The following PPARGC1A variants were observed in gnomAD, a reference collection of about 807,000 sequenced individuals.
The protein encoded by PPARGC1A is PPARG coactivator 1 alpha, also known as peroxisome proliferator-activated receptor gamma coactivator 1-alpha.
PPARGC1A carries 25 observed loss-of-function variants against 88.7 expected under a neutral mutation model. That is an observed-to-expected ratio of 0.28 (90% confidence interval 0.21 to 0.39). The LOEUF (loss-of-function observed/expected upper bound fraction) is 0.39. PPARGC1A is among the 10% of genes least tolerant of loss of function. The pLI is 1.00. For synonymous variants in PPARGC1A, 363 were observed against 355.6 expected, an observed-to-expected ratio of 1.02 and a Z score of -0.24; for missense variants, 880 against 968.7, an observed-to-expected ratio of 0.91 and a Z score of 1.22.
chr4:24,253,708 G>T, the PPARGC1A span, among the ~76,000 whole-genome samples: 2 of 150,086 alleles, frequency 1.3e-5, no homozygotes, highest in Non-Finnish European at 3.0e-5. Flanking sequence ...GCCTCTTTAC[G>T]TTTGTCACCA....
intron 2 of PPARGC1A, chr4:23,882,083 A>G (rs908150134): frequency 6.6e-6 from 1 of 152,262 alleles, no homozygotes; most frequent in Non-Finnish European, 1.5e-5. Flanking sequence ...TCCTCATGCC[A>G]TGCAAATACT....
the PPARGC1A span, among the ~76,000 whole-genome samples, chr4:24,246,053 T>C: frequency 6.6e-6 from 1 of 152,168 alleles, no homozygotes; most frequent in Admixed American, 6.5e-5. Flanking sequence ...GCAACGATTT[T>C]AAATAATGCT....
intron 5 of PPARGC1A, chr4:23,825,336 C>T (rs985558455): frequency 6.6e-6 from 1 of 152,030 alleles, no homozygotes; most frequent in Non-Finnish European, 1.5e-5. Flanking sequence ...CTATGCTTAT[C>T]TATAAGCATA....
the PPARGC1A span, among the ~76,000 whole-genome samples, chr4:24,269,601 G>C: frequency 1.3e-5 from 2 of 152,124 alleles, no homozygotes; most frequent in African/African-American, 2.4e-5. Flanking sequence ...TATAATAAAA[G>C]TATATTACTT....
At chr4:24,020,445 A>G in the PPARGC1A span, among the ~76,000 whole-genome samples, 4 of 152,234 alleles carry the variant, frequency 2.6e-5, no homozygotes, top group East Asian at 7.7e-4. Context: ...TTTAGGTTTT[A>G]TAAGTATAAC....
chr4:23,881,619 C>T (rs1715952926), intron 2 of PPARGC1A, among the ~76,000 whole-genome samples: 1 of 152,196 alleles, frequency 6.6e-6, no homozygotes, highest in Non-Finnish European at 1.5e-5. Context: ...GATGAGAATT[C>T]AGTCGATGGC....
the PPARGC1A span, among the ~76,000 whole-genome samples, chr4:24,237,584 A>G: frequency 6.6e-6 from 1 of 152,134 alleles, no homozygotes; most frequent in Non-Finnish European, 1.5e-5. Flanking sequence ...CAATTTAGCT[A>G]CTTGTCATAT....
chr4:24,297,283 G>A, the PPARGC1A span, among the ~76,000 whole-genome samples: 2 of 152,130 alleles, frequency 1.3e-5, no homozygotes, highest in South Asian at 2.1e-4. Context: ...GAGTTACTAC[G>A]TAGTAGCGCT....
chr4:24,444,160 TAGGTGG>T, the PPARGC1A span, among the ~76,000 whole-genome samples: 6 of 152,060 alleles, frequency 3.9e-5, no homozygotes, highest in East Asian at 9.7e-4. Flanking sequence ...GCCTCCCAAG[TAGGTGG>T]GACTACACAG....
chr4:24,167,408 G>C, the PPARGC1A span, among the ~76,000 whole-genome samples: 9 of 152,310 alleles, frequency 5.9e-5, no homozygotes, highest in South Asian at 1.9e-3. Flanking sequence ...TGACTACAAA[G>C]GATTTAGAAT....
chr4:23,998,293 CAT>C, the PPARGC1A span, among the ~76,000 whole-genome samples: 5 of 152,268 alleles, frequency 3.3e-5, no homozygotes, highest in East Asian at 5.8e-4. Context: ...ATAAAATACA[CAT>C]ATGTGTCTTT....
chr4:24,168,003 C>T, the PPARGC1A span, among the ~76,000 whole-genome samples: 1 of 152,148 alleles, frequency 6.6e-6, no homozygotes, highest in African/African-American at 2.4e-5. Flanking sequence ...AGTCTGCCTG[C>T]CTTGGCCTCC....
At chr4:23,851,013 ATG>A (rs1330498363) in intron 2 of PPARGC1A, among the ~76,000 whole-genome samples, 1 of 152,166 alleles carries the variant, frequency 6.6e-6, no homozygotes, top group Admixed American at 6.5e-5. Context: ...AAAAAATGTC[ATG>A]TGTTTCATTG....
the PPARGC1A span, among the ~76,000 whole-genome samples, chr4:23,958,945 T>G: frequency 1.3e-5 from 2 of 151,886 alleles, no homozygotes; most frequent in Non-Finnish European, 2.9e-5. Context: ...AGAGCAGAAT[T>G]TGGAACATAT....
chr4:24,441,180 T>A, the PPARGC1A span, among the ~76,000 whole-genome samples: 1 of 152,152 alleles, frequency 6.6e-6, no homozygotes, highest in East Asian at 1.9e-4. Flanking sequence ...AAATACAAGC[T>A]CCAGTCATCA....
the PPARGC1A span, among the ~76,000 whole-genome samples, chr4:24,308,452 A>G: frequency 4.6e-5 from 7 of 152,160 alleles, no homozygotes; most frequent in African/African-American, 1.7e-4. Flanking sequence ...TAACAAGCAC[A>G]GATATTTTTC....
the PPARGC1A span, among the ~76,000 whole-genome samples, chr4:24,082,709 T>C: frequency 3.3e-5 from 5 of 152,164 alleles, no homozygotes. Context: ...TTTTAAAATC[T>C]TCCCTCCACA....
the PPARGC1A span, among the ~76,000 whole-genome samples, chr4:24,423,615 T>C: frequency 2.0e-5 from 3 of 152,296 alleles, no homozygotes; most frequent in Admixed American, 1.3e-4. Flanking sequence ...AAAGTTTGAG[T>C]TGAGTTTTTG....
chr4:24,215,364 C>A, the PPARGC1A span, among the ~76,000 whole-genome samples: 3 of 152,248 alleles, frequency 2.0e-5, no homozygotes, highest in Admixed American at 6.5e-5. Context: ...CCGAGCTGAC[C>A]TTCACTGATT....
Sources: gnomAD v4.1 joint callset for allele counts (sites outside exome capture counted in the v4.1 genomes callset) on GRCh38, gnomAD v4.1.1 for gene constraint, MANE v1.5 for transcripts, NCBI Gene and HGNC (gene_info 2026-07-23, HGNC 2026-07-21) for gene names.